PDZD2: variants seen among roughly 807,000 people sequenced by gnomAD.
PDZD2 encodes the protein PDZ domain containing 2.
PDZD2 carries 90 observed loss-of-function variants against 220.7 expected under a neutral mutation model. The ratio of observed to expected loss-of-function variants is 0.41; its 90% CI spans 0.34 to 0.49. The LOEUF is 0.49. Ranked by LOEUF, PDZD2 falls within the 20% of genes least tolerant of loss-of-function variation. PDZD2 has a pLI of 0.28. For synonymous variants in PDZD2, 1,375 were observed against 1,450.5 expected, an observed-to-expected ratio of 0.95 and a Z score of 1.18; for missense variants, 3,174 against 3,608.5, an observed-to-expected ratio of 0.88 and a Z score of 3.08.
intron 1 of PDZD2, among the ~76,000 whole-genome samples, chr5:31,665,948 C>G (rs1361362904): frequency 1.3e-5 from 2 of 152,142 alleles, no homozygotes; most frequent in Non-Finnish European, 1.5e-5. Context: ...AGGACGGGAC[C>G]TCATTCATTC....
Position 32,108,244 on chromosome 5 carries a change from A to G in PDZD2, c.*109A>G, listed in dbSNP as rs1744990805. The G allele has an allele frequency of 1.5e-6, 1 of 650,464 alleles. No individual in the cohort carries two copies. Among genetic ancestry groups the G allele is most frequent in the Non-Finnish European group, 2.5e-6 (1 of 396,778 alleles). 40.3% of individuals were successfully genotyped at this position (650,464 alleles called of 1,614,324 possible). ...GCCAACACTGGTACAGACACGGACT[A>G]TAAAAATCTCCAAGCTTGTGCTTAC... On this transcript the variant is annotated 3_prime_UTR_variant, in exon 25 of 25. Coordinates refer to ENST00000438447, the MANE Select transcript of PDZD2 (RefSeq NM_178140.4).
intron 1 of PDZD2, among the ~76,000 whole-genome samples, chr5:31,689,384 G>C (rs1289320539): frequency 1.2e-5 from 1 of 80,502 alleles, no homozygotes; most frequent in Non-Finnish European, 2.4e-5. Flanking sequence ...AAGTCGAGAC[G>C]GGGTTTCACC....
rs745654627 is a variant in PDZD2, at chr5:31,983,536, G to A, written c.858G>A (p.Val286=). Residue 286 remains valine (V), a synonymous_variant, in exon 3 of 25, where the codon GTG becomes GTA. Coordinates refer to ENST00000438447, the MANE Select transcript of PDZD2 (RefSeq NM_178140.4). ...VAGPHLERSE[V]DRGTEHRIPK... is the part of the protein sequence containing the mutation. ...GACCCCATCTAGAGAGGTCAGAAGT[G>A]GACAGAGGGACAGAGCATAGAATTC... The A allele has an allele frequency of 3.1e-6, 5 of 1,614,192 alleles. No individual in the cohort carries two copies. Among genetic ancestry groups the A allele is most frequent in the Non-Finnish European group, 4.2e-6 (5 of 1,180,030 alleles).
intron 2 of PDZD2, among the ~76,000 whole-genome samples, chr5:31,861,701 T>G (rs1737721587): frequency 6.6e-6 from 1 of 152,132 alleles, no homozygotes; most frequent in South Asian, 2.1e-4. Flanking sequence ...TTTCACTCCC[T>G]CCTAGGACTG....
intron 6 of PDZD2, among the ~76,000 whole-genome samples, chr5:32,030,610 C>T (rs1424084843): frequency 3.3e-5 from 5 of 152,168 alleles, no homozygotes; most frequent in Non-Finnish European, 7.3e-5. Flanking sequence ...GTTTCTGACT[C>T]AGACCTTTTT....
intron 2 of PDZD2, among the ~76,000 whole-genome samples, chr5:31,865,373 C>T (rs578062294): frequency 4.6e-5 from 7 of 152,084 alleles, no homozygotes; most frequent in South Asian, 4.1e-4. Flanking sequence ...TGTGCAGTGG[C>T]GCCATCACAG....
At chr5:31,765,898 G>T (rs1293659049) in intron 1 of PDZD2, among the ~76,000 whole-genome samples, 3 of 152,212 alleles carry the variant, frequency 2.0e-5, no homozygotes, top group Non-Finnish European at 2.9e-5. Context: ...GAGACCAGGC[G>T]TGGTGGCTCA....
At position 32,097,391 on chromosome 5, in the gene PDZD2, G is replaced by A. The variant is rs1349069445; in HGVS notation, c.7947+11G>A. On this transcript the variant is annotated intron_variant, in intron 22 of 24. Coordinates refer to ENST00000438447, the MANE Select transcript of PDZD2 (RefSeq NM_178140.4). ...CCAAAATCAATCACGGTAAGTGACA[G>A]AGTCATTAGGCTCTCAGGAAAATCC... 3.9e-6 allele frequency: 6 copies of A among 1,526,040 alleles called. No homozygotes were observed. In the East Asian group the frequency reaches 1.1e-4, roughly 29 times the overall value. The allele number at this position is 1,526,040 out of a possible 1,614,324, so 94.5% of individuals were successfully genotyped here.
chr5:31,705,865 C>T (rs1369938474), intron 1 of PDZD2, among the ~76,000 whole-genome samples: 1 of 152,224 alleles, frequency 6.6e-6, no homozygotes, highest in Non-Finnish European at 1.5e-5. Flanking sequence ...GCCTGGCCAA[C>T]ATGGCGAAAC....
intron 1 of PDZD2, among the ~76,000 whole-genome samples, chr5:31,684,940 T>C (rs1746791739): frequency 6.6e-6 from 1 of 152,234 alleles, no homozygotes; most frequent in Non-Finnish European, 1.5e-5. Context: ...GATGTTCTTA[T>C]TTATTTACTT....
chr5:32,071,471 TC>T (rs1740734215), intron 16 of PDZD2, 53 bp downstream of exon 16: 1 of 1,418,018 alleles, frequency 7.1e-7, no homozygotes, highest in Non-Finnish European at 1.0e-6. Flanking sequence ...ACAAACTAAT[TC>T]CTGGAGCCCA....
chr5:31,987,777 A>G (rs1042346833), intron 3 of PDZD2, among the ~76,000 whole-genome samples: 1 of 152,200 alleles, frequency 6.6e-6, no homozygotes, highest in African/African-American at 2.4e-5. Context: ...GGGGGTGACC[A>G]ACCATCCTGG....
intron 2 of PDZD2, chr5:31,855,130 C>G (rs753432958): frequency 1.3e-4 from 125 of 984,868 alleles, no homozygotes; most frequent in Non-Finnish European, 1.4e-4. Flanking sequence ...CCCAGGAGCT[C>G]CGGAGAGGAA....
chr5:31,941,316 G>A (rs756360675), intron 2 of PDZD2, among the ~76,000 whole-genome samples: 1 of 152,144 alleles, frequency 6.6e-6, no homozygotes, highest in Non-Finnish European at 1.5e-5. Context: ...GTTCCCAGAC[G>A]ACTGCCCATG....
At position 31,780,121 on chromosome 5, in the gene PDZD2, T is replaced by A. The variant is rs558649476; in HGVS notation, c.-360-18768T>A. Among the ~76,000 whole-genome samples the A allele has an allele frequency of 5.3e-5, 8 of 152,144 alleles. No homozygotes were observed. The South Asian group carries it at 1.7e-3, about 32-fold the overall frequency. The stretch of plus-strand genomic sequence containing the variant: ...GACTTAATGGGTTTATGGAACTGCA[T>A]GAAATGGGAGAAGCAGCATTGGTAG... On this transcript the variant is annotated intron_variant, in intron 1 of 24. Transcript: ENST00000438447.
chr5:32,041,661 A>G (rs1158907293), intron 7 of PDZD2, among the ~76,000 whole-genome samples: 20 of 152,008 alleles, frequency 1.3e-4, no homozygotes, highest in Non-Finnish European at 2.9e-5. Flanking sequence ...GTTAAGAGTC[A>G]TCACCACTCC....
At chr5:31,695,862 G>A (rs994956526) in intron 1 of PDZD2, among the ~76,000 whole-genome samples, 1 of 152,116 alleles carries the variant, frequency 6.6e-6, no homozygotes, top group Non-Finnish European at 1.5e-5. Flanking sequence ...TTTGGGGAAG[G>A]GTGTCTGTTT....
intron 2 of PDZD2, among the ~76,000 whole-genome samples, chr5:31,849,129 C>A (rs75570146): frequency 0.082 from 12,422 of 152,192 alleles, 673 homozygotes; most frequent in East Asian, 0.26. Context: ...AACCTGTGTA[C>A]AGCTTGCTTT....
rs70957998 is a variant in PDZD2 at position 32,025,591 on chromosome 5, C to CTTT, written c.1408-11614_1408-11612dup. 3.3e-3 allele frequency among the ~76,000 whole-genome samples: 222 copies of CTTT among 67,522 alleles called. 24 individuals carry two copies. Among genetic ancestry groups the CTTT allele is most frequent in the Non-Finnish European group, 4.1e-3 (161 of 39,108 alleles). 44.3% of individuals were successfully genotyped at this position (67,522 alleles called of 152,430 possible). A position where few individuals can be genotyped will look rare whatever the true frequency, so the allele number is the denominator to read the frequency against. On this transcript the variant is annotated intron_variant, in intron 6 of 24. Coordinates refer to ENST00000438447, the MANE Select transcript of PDZD2 (RefSeq NM_178140.4). ...AGTGAGCCCAAATGTAACCATGATG[C>CTTT]TTTTTTTTTTTTTTTTTTTTTTTTT...
Sources: gnomAD v4.1 joint callset for allele counts (sites outside exome capture counted in the v4.1 genomes callset) on GRCh38, gnomAD v4.1.1 for gene constraint, MANE v1.5 for transcripts, NCBI Gene and HGNC (gene_info 2026-07-23, HGNC 2026-07-21) for gene names.